Variants in AFF3 observed in about 807,000 individuals in gnomAD.
The protein encoded by AFF3 is AF4/FMR2 family member 3.
A neutral mutation model predicts 129.7 loss-of-function variants in AFF3; 32 were observed. That is an observed-to-expected ratio of 0.25 (90% CI 0.19 to 0.33). The LOEUF (loss-of-function observed/expected upper bound fraction) is 0.33, where lower values mean the gene tolerates loss of function less well. Ranked by LOEUF, AFF3 falls within the 10% of genes least tolerant of loss-of-function variation. The pLI is 1.00. For missense variants in AFF3, 1,373 were observed against 1,592.0 expected (o/e 0.86, Z 2.34); for synonymous variants, 644 against 635.4 (o/e 1.01, Z -0.20).
At chr2:99,620,807 TTTA>T (rs1681926547) in intron 13 of AFF3, among the ~76,000 whole-genome samples, 1 of 152,136 alleles carries the variant, frequency 6.6e-6, no homozygotes, top group Admixed American at 6.5e-5. Context: ...GAGTTCTCAC[TTTA>T]TTAGTTTATG....
At chr2:99,986,133 G>T (rs1032111274) in intron 7 of AFF3, among the ~76,000 whole-genome samples, 1 of 150,962 alleles carries the variant, frequency 6.6e-6, no homozygotes, top group East Asian at 1.9e-4. Flanking sequence ...CCCAGGAGGC[G>T]GAGCTTGCCG....
chr2:99,733,375 G>A (rs1314417073), intron 10 of AFF3, among the ~76,000 whole-genome samples: 1 of 64,742 alleles, frequency 1.5e-5, no homozygotes, highest in African/African-American at 4.0e-5. Flanking sequence ...GCGAGACTCC[G>A]TCCAAAAAAA....
At chr2:100,063,249 T>C (rs1033991559) in intron 4 of AFF3, among the ~76,000 whole-genome samples, 1 of 48,362 alleles carries the variant, frequency 2.1e-5, no homozygotes, top group East Asian at 6.1e-4. Context: ...CGAAACTCCA[T>C]CTCAAAAAAA....
chr2:99,875,271 C>T (rs1274967476), intron 7 of AFF3, among the ~76,000 whole-genome samples: 2 of 152,076 alleles, frequency 1.3e-5, no homozygotes, highest in Non-Finnish European at 2.9e-5. Flanking sequence ...TCTGGGTGCT[C>T]CCTAGTCCTG....
chr2:99,631,622 T>C (rs886752440), intron 13 of AFF3, among the ~76,000 whole-genome samples: 2 of 152,250 alleles, frequency 1.3e-5, no homozygotes, highest in Non-Finnish European at 2.9e-5. Context: ...TTTGTGACCA[T>C]CTTCTATCAT....
At chr2:99,646,546 T>TTCATTTACAC (rs1684711702) in intron 13 of AFF3, among the ~76,000 whole-genome samples, 1 of 152,190 alleles carries the variant, frequency 6.6e-6, no homozygotes, top group African/African-American at 2.4e-5. Flanking sequence ...TGTAAATGAA[T>TTCATTTACAC]GTATAATAGG....
chr2:99,801,821 T>C (rs183732279), intron 8 of AFF3, among the ~76,000 whole-genome samples: 4 of 152,222 alleles, frequency 2.6e-5, no homozygotes, highest in Admixed American at 1.3e-4. Flanking sequence ...AATTGTTATG[T>C]GGGGTCTCTA....
intron 20 of AFF3, among the ~76,000 whole-genome samples, chr2:99,563,479 C>A (rs1025821170): frequency 6.6e-6 from 1 of 151,080 alleles, no homozygotes; most frequent in Non-Finnish European, 1.5e-5. Context: ...CGTGAGCCAC[C>A]GCGCCCAGAA....
chr2:99,582,843 CT>C lies in AFF3; in HGVS notation c.2747del (p.Lys916SerfsTer72). 6.2e-7 allele frequency: 1 copy of C among 1,614,182 alleles called. No homozygotes were observed. Among genetic ancestry groups the C allele is most frequent in the Non-Finnish European group, 8.5e-7 (1 of 1,180,044 alleles). On this transcript the variant is annotated frameshift_variant, in exon 17 of 25. Coordinates refer to ENST00000672756, the MANE Select transcript of AFF3 (RefSeq NM_001386135.1). LOFTEE classifies it high-confidence loss of function. ...SLFTSASSSK[K>X]PKADSQLQPH... ...GCTGCAGCTGGCTGTCGGCCTTAGG[CT>C]TTTTGCTGGAAGAGGCTGAAGTAAA...
At chr2:100,139,208 G>T (rs1349555699) in intron 1 of AFF3, among the ~76,000 whole-genome samples, 3 of 152,114 alleles carry the variant, frequency 2.0e-5, no homozygotes, top group African/African-American at 7.2e-5. Flanking sequence ...AGCCCTATTT[G>T]CCCTTTCTCT....
At chr2:99,856,596 T>C (rs181178080) in intron 7 of AFF3, among the ~76,000 whole-genome samples, 2 of 152,232 alleles carry the variant, frequency 1.3e-5, no homozygotes, top group Admixed American at 1.3e-4. Flanking sequence ...TTGATTCTTA[T>C]GGACTATTCT....
chr2:99,878,503 A>T (rs2106000908), intron 7 of AFF3, among the ~76,000 whole-genome samples: 1 of 152,312 alleles, frequency 6.6e-6, no homozygotes, highest in Admixed American at 6.5e-5. Context: ...TTAATATGTT[A>T]CTTTATAACA....
At chr2:99,581,206 C>T (rs533962631) in intron 17 of AFF3, among the ~76,000 whole-genome samples, 5 of 152,266 alleles carry the variant, frequency 3.3e-5, no homozygotes, top group African/African-American at 9.6e-5. Flanking sequence ...ATAAAATCTA[C>T]AATTGGTTTA....
At chr2:99,971,773 C>CA (rs966481559) in intron 7 of AFF3, among the ~76,000 whole-genome samples, 5 of 151,158 alleles carry the variant, frequency 3.3e-5, no homozygotes, top group African/African-American at 9.7e-5. Context: ...AGAGCCAAAC[C>CA]AAAAAAAATG....
chr2:99,759,016 C>G (rs1486900801), intron 8 of AFF3, among the ~76,000 whole-genome samples: 1 of 152,156 alleles, frequency 6.6e-6, no homozygotes, highest in Non-Finnish European at 1.5e-5. Flanking sequence ...TTACACCATC[C>G]CCTTAGTGTG....
rs371195836 is a variant in AFF3 at position 100,042,764 on chromosome 2, T to TA, written c.54-33833dup. ...TCTGAGGTTTGAGAATGAGGAACTT[T>TA]ATGAAGTTTCTAACATGGTCCCTGC... is the stretch of plus-strand genomic sequence containing the variant. On this transcript the variant is annotated intron_variant, in intron 4 of 24. Transcript: ENST00000672756. Among the ~76,000 whole-genome samples, 1,020 of 152,336 alleles carry TA rather than the reference T, an allele frequency of 6.7e-3. 3 individuals are homozygous for TA. Among genetic ancestry groups the TA allele is most frequent in the African/African-American group, 0.016 (667 of 41,574 alleles).
chr2:99,645,371 T>C (rs1684605676), intron 13 of AFF3, among the ~76,000 whole-genome samples: 1 of 152,124 alleles, frequency 6.6e-6, no homozygotes, highest in Non-Finnish European at 1.5e-5. Context: ...AAAAAGAATT[T>C]TGCCATCTCT....
intron 13 of AFF3, among the ~76,000 whole-genome samples, chr2:99,647,946 A>G (rs1684840294): frequency 6.6e-6 from 1 of 152,214 alleles, no homozygotes; most frequent in South Asian, 2.1e-4. Flanking sequence ...ACATCCATGG[A>G]CATTTTCTCT....
At chr2:100,024,049 G>T (rs1402551249) in intron 4 of AFF3, among the ~76,000 whole-genome samples, 1 of 149,720 alleles carries the variant, frequency 6.7e-6, no homozygotes, top group Non-Finnish European at 1.5e-5. Flanking sequence ...TGGCTAACAC[G>T]GTGAAACCCT....
Sources: allele counts gnomAD v4.1 joint callset (sites outside exome capture counted in the v4.1 genomes callset), GRCh38; gene constraint gnomAD v4.1.1; transcripts MANE v1.5; gene names NCBI Gene and HGNC (gene_info 2026-07-23, HGNC 2026-07-21).